Variants in TRAK2 observed in about 807,000 individuals in gnomAD.
TRAK2 encodes the protein trafficking kinesin protein 2.
In TRAK2, 81 loss-of-function variants were observed where a neutral mutation model predicts 104.6. The ratio of observed to expected loss-of-function variants is 0.77; its 90% CI spans 0.65 to 0.93. TRAK2 has a LOEUF of 0.93. TRAK2 is among the 40% of genes least tolerant of loss of function. The pLI, the probability that TRAK2 is intolerant of heterozygous loss-of-function variation, is 0.00. For synonymous variants in TRAK2, 406 were observed against 394.4 expected (o/e 1.03, Z -0.35); for missense variants, 1,002 against 1,089.0 (o/e 0.92, Z 1.12).
At chr2:201,423,743 AG>A (rs1416394262) in intron 1 of TRAK2, 2 of 152,210 alleles carry the variant, frequency 1.3e-5, no homozygotes, top group Admixed American at 1.3e-4. Context: ...ACTGAAACTA[AG>A]TACTGTACTA....
chr2:201,382,723 C>T (rs2125639386), intron 15 of TRAK2, among the ~76,000 whole-genome samples: 1 of 152,176 alleles, frequency 6.6e-6, no homozygotes, highest in African/African-American at 2.4e-5. Flanking sequence ...GGATATCATC[C>T]AAATGCTTCC....
intron 6 of TRAK2, 140 bp downstream of exon 6, chr2:201,398,005 A>G: frequency 1.3e-6 from 1 of 784,740 alleles, no homozygotes; most frequent in Non-Finnish European, 2.1e-6. Flanking sequence ...GGCAAGAAAA[A>G]TACAGCTCCT....
chr2:201,381,831 T>C (rs1003161811), intron 15 of TRAK2, among the ~76,000 whole-genome samples: 8 of 152,248 alleles, frequency 5.3e-5, no homozygotes, highest in African/African-American at 1.7e-4. Context: ...ACAATAATGG[T>C]ATAAAAATAT....
intron 15 of TRAK2, among the ~76,000 whole-genome samples, chr2:201,383,619 T>C (rs1038403710): frequency 1.3e-5 from 2 of 152,240 alleles, no homozygotes; most frequent in Non-Finnish European, 2.9e-5. Context: ...TATGCCTTTC[T>C]TCCTTTGGAT....
At chr2:201,439,507 A>G (rs1250917269) in intron 1 of TRAK2, among the ~76,000 whole-genome samples, 4 of 151,408 alleles carry the variant, frequency 2.6e-5, no homozygotes, top group Non-Finnish European at 4.4e-5. Context: ...CCATGGGAGG[A>G]AAAAAAAAGT....
At chr2:201,438,996 C>G (rs906048598) in intron 1 of TRAK2, among the ~76,000 whole-genome samples, 1 of 152,164 alleles carries the variant, frequency 6.6e-6, no homozygotes, top group South Asian at 2.1e-4. Flanking sequence ...TTGTTTTGAA[C>G]TGCTAAAAGT....
Position 201,381,248 on chromosome 2 carries a change from A to G in TRAK2, c.2070-30T>C, listed in dbSNP as rs760631362. 5 of 1,546,582 alleles carry G rather than the reference A, an allele frequency of 3.2e-6. No individual in the cohort carries two copies. The East Asian group carries it at 1.1e-4, about 35-fold the overall frequency. On this transcript the variant is annotated intron_variant, in intron 15 of 15. Transcript: ENST00000332624. Reference sequence around the variant, plus strand: ...AAAAAAAAAAAAAAAAGTGGGAGACAGTGTTTAAGAATAAAAAGCAAGCTC... The same window carrying G: ...AAAAAAAAAAAAAAAAGTGGGAGACGGTGTTTAAGAATAAAAAGCAAGCTC...
Position 201,409,279 on chromosome 2 carries a change from C to CT in TRAK2, c.92-1683dup, listed in dbSNP as rs35095618. On this transcript the variant is annotated intron_variant, in intron 2 of 15. Transcript: ENST00000332624. ...TGTGGAGGCACTCTATCAATGTCAG[C>CT]TTTTTTTTTTTTTGAGAGAGAAGTT... Among the ~76,000 whole-genome samples, 524 of 143,278 alleles carry CT rather than the reference C, an allele frequency of 3.7e-3. 4 individuals carry two copies. Among genetic ancestry groups the CT allele is most frequent in the East Asian group, 0.03 (149 of 5,042 alleles). The allele number at this position is 143,278 out of a possible 152,430, so 94.0% of individuals were successfully genotyped here.
chr2:201,434,264 A>G (rs1378199291), intron 1 of TRAK2, among the ~76,000 whole-genome samples: 1 of 152,074 alleles, frequency 6.6e-6, no homozygotes, highest in Non-Finnish European at 1.5e-5. Context: ...GCCCATAATC[A>G]TTCTTATCGT....
chr2:201,393,137 T>C, intron 9 of TRAK2, 91 bp from the exon 10 acceptor site: 1 of 1,338,116 alleles, frequency 7.5e-7, no homozygotes, highest in Non-Finnish European at 1.0e-6. Flanking sequence ...AGTATTGATT[T>C]TACCCAGAGG....
In TRAK2 at chr2:201,380,591, G is replaced by A. The variant is rs1951330457; in HGVS notation, c.2697C>T (p.Ala899=). 2 of 1,613,810 alleles carry A rather than the reference G, an allele frequency of 1.2e-6. No individual in the cohort carries two copies. Among genetic ancestry groups the A allele is most frequent in the Non-Finnish European group, 1.7e-6 (2 of 1,179,932 alleles). ...TTTTGGGTGAGGATGTGCAAACTGG[G>A]GCAGCAAAGCTACCCATTATGACTG... ...SLPVIMGSFA[A]PVCTSSPKMG... is the part of the protein sequence containing the mutation. The change falls in exon 16 of 16, where the codon GCC becomes GCT. Residue 899 remains alanine, a synonymous_variant. Transcript: ENST00000332624.
chr2:201,389,385 T>G lies in TRAK2; in HGVS notation c.1312A>C (p.Thr438Pro), dbSNP rs750184565. ...AGACCAGACTCAAAAGGTTTTGCTG[T>G]CATGATGACACTTGAACGGTTGGAG... ...PGSNRSSVIM[T>P]AKPFESGLQQ... The change falls in exon 12 of 16, where the codon ACA becomes CCA. Residue 438 changes from threonine to proline, a missense_variant. Physicochemically the swap from Thr to Pro is conservative, Grantham distance 38 (BLOSUM62 -1). Coordinates refer to ENST00000332624, the MANE Select transcript of TRAK2 (RefSeq NM_015049.3). 6.2e-7 allele frequency: 1 copy of G among 1,614,130 alleles called. No individual in the cohort carries two copies.
chr2:201,451,135 G>T (rs1023784672), intron 1 of TRAK2, among the ~76,000 whole-genome samples: 3 of 152,184 alleles, frequency 2.0e-5, no homozygotes, highest in Admixed American at 6.5e-5. Context: ...GAATACCGAC[G>T]CCAGCGCCTA....
At position 201,377,432 on chromosome 2, in the gene TRAK2, T is replaced by C. The variant is rs1951298659; in HGVS notation, c.*3111A>G. 1 of 152,224 alleles carries C rather than the reference T, an allele frequency of 6.6e-6. No homozygotes were observed. Among genetic ancestry groups the C allele is most frequent in the African/African-American group, 2.4e-5 (1 of 41,446 alleles). 9.4% of individuals were successfully genotyped at this position (152,224 alleles called of 1,614,324 possible). Reference sequence around the variant, plus strand: ...TTGGGTTGCATGTGGAGTACAGGTCTGCATGCATCTGACATCAGAGAAGTG... The same window carrying C: ...TTGGGTTGCATGTGGAGTACAGGTCCGCATGCATCTGACATCAGAGAAGTG... On this transcript the variant is annotated 3_prime_UTR_variant, in exon 16 of 16. Transcript: ENST00000332624.
At chr2:201,402,960 T>C (rs1951562132) in intron 3 of TRAK2, among the ~76,000 whole-genome samples, 1 of 152,174 alleles carries the variant, frequency 6.6e-6, no homozygotes, top group East Asian at 1.9e-4. Context: ...AGGCATCCTA[T>C]AGGCTCAGTT....
intron 7 of TRAK2, 134 bp downstream of exon 7, chr2:201,397,368 T>C (rs1044435272): frequency 1.7e-6 from 1 of 581,758 alleles, no homozygotes; most frequent in Non-Finnish European, 3.1e-6. Flanking sequence ...TGTGATATTC[T>C]AAGATTTTCA....
At chr2:201,437,336 C>A (rs1951886632) in intron 1 of TRAK2, among the ~76,000 whole-genome samples, 1 of 152,128 alleles carries the variant, frequency 6.6e-6, no homozygotes, top group African/African-American at 2.4e-5. Flanking sequence ...CTCTCTCTCT[C>A]CTTCTCTCCT....
chr2:201,381,064 C>T lies in TRAK2; in HGVS notation c.2224G>A (p.Ala742Thr). The change falls in exon 16 of 16, where the codon GCC (alanine) becomes ACC (threonine). Residue 742 changes from alanine (A) to threonine (T), a missense_variant. Ala to Thr is a moderately conservative substitution (Grantham distance 58). Transcript: ENST00000332624. ...TTTFSSTMSL[A>T]KLLQERGISA... ...ATGCCTCGCTCTTGTAGAAGTTTGG[C>T]CAAGCTCATGGTGCTACTGAAGGTT... is the stretch of plus-strand genomic sequence containing the variant. The T allele has an allele frequency of 6.2e-7, 1 of 1,613,956 alleles. No individual in the cohort carries two copies. Among genetic ancestry groups the T allele is most frequent in the Non-Finnish European group, 8.5e-7 (1 of 1,179,948 alleles).
intron 5 of TRAK2, 54 bp from the exon 6 acceptor site, chr2:201,398,408 C>A: frequency 6.9e-7 from 1 of 1,439,196 alleles, no homozygotes; most frequent in Non-Finnish European, 9.6e-7. Context: ...TTATTTATAG[C>A]AATATAGCTT....
Sources: gnomAD v4.1 joint callset for allele counts (sites outside exome capture counted in the v4.1 genomes callset) on GRCh38, gnomAD v4.1.1 for gene constraint, MANE v1.5 for transcripts, NCBI Gene and HGNC (gene_info 2026-07-23, HGNC 2026-07-21) for gene names.